Variants in NOD1 observed in about 807,000 individuals in gnomAD.
The protein encoded by NOD1 is nucleotide binding oligomerization domain containing 1.
In NOD1, 70 loss-of-function variants were observed where a neutral mutation model predicts 81.2. The ratio of observed to expected loss-of-function variants is 0.86; its 90% confidence interval spans 0.71 to 1.05. The LOEUF (loss-of-function observed/expected upper bound fraction) is 1.05. NOD1 is among the 50% of genes least tolerant of loss of function. The pLI is 0.00. For synonymous variants in NOD1, 508 were observed against 526.9 expected (o/e 0.96, Z 0.49); for missense variants, 1,233 against 1,228.0 (o/e 1.00, Z -0.06).
intron 1 of NOD1, chr7:30,469,268 T>C (rs1339907853): frequency 1.0e-5 from 10 of 981,768 alleles, no homozygotes; most frequent in East Asian, 1.1e-4. Context: ...ACAATTATTA[T>C]TGGAAGCTTT....
intron 10 of NOD1, 58 bp downstream of exon 10, chr7:30,437,515 A>G: frequency 1.7e-6 from 2 of 1,150,980 alleles, no homozygotes; most frequent in Non-Finnish European, 2.4e-6. Context: ...TCCCCAGCAA[A>G]CCTAGAGCAG....
At chr7:30,457,599 C>T (rs1321853947) in intron 3 of NOD1, among the ~76,000 whole-genome samples, 1 of 152,068 alleles carries the variant, frequency 6.6e-6, no homozygotes, top group Non-Finnish European at 1.5e-5. Context: ...TACTATAAAG[C>T]AAAAGTGTGC....
chr7:30,456,678 C>A (rs770896145), intron 4 of NOD1, 43 bp downstream of exon 4: 13 of 1,558,106 alleles, frequency 8.3e-6, no homozygotes, highest in South Asian at 1.1e-5. Flanking sequence ...TTCTAGCTCC[C>A]GGGGTCCACA....
chr7:30,433,027 G>A (rs1784075116), intron 12 of NOD1, 69 bp downstream of exon 12: 4 of 1,201,124 alleles, frequency 3.3e-6, no homozygotes, highest in African/African-American at 1.5e-5. Context: ...TTTACAGTAT[G>A]TAAATTTTAT....
rs5743366 is a variant in NOD1 at position 30,429,130 on chromosome 7, G to A, written c.2789+244C>T. ...AGATGAGGGCGGGGGCCCAGGGCAG[G>A]AGAGCACAGAATATGGAATCAGGCA... On this transcript the variant is annotated intron_variant, in intron 13 of 13. Transcript: ENST00000222823. Among the ~76,000 whole-genome samples the A allele has an allele frequency of 2.5e-3, 385 of 152,340 alleles. 1 individual carries two copies. The highest frequency in any genetic ancestry group is 8.9e-3 in the African/African-American group (372 of 41,578).
intron 1 of NOD1, among the ~76,000 whole-genome samples, chr7:30,466,532 C>T (rs1194996532): frequency 3.3e-5 from 5 of 152,086 alleles, no homozygotes; most frequent in African/African-American, 9.7e-5. Flanking sequence ...TGGTGGTGCA[C>T]GCCTACTGTC....
intron 5 of NOD1, among the ~76,000 whole-genome samples, chr7:30,453,282 G>A (rs1291478109): frequency 1.3e-5 from 2 of 152,094 alleles, no homozygotes; most frequent in African/African-American, 4.8e-5. Context: ...CCAGAAAGAA[G>A]GTGACAAACT....
rs1255443129 is a variant in NOD1, at chr7:30,425,574, GC to G, written c.*63del. On this transcript the variant is annotated 3_prime_UTR_variant, in exon 14 of 14. Coordinates refer to ENST00000222823, the MANE Select transcript of NOD1 (RefSeq NM_006092.4). ...CTTTAAGACACTGACACAAAAGACTGCCCAGAGTGGCATTTGCTGCTGAGGC... is the reference window on the plus strand; with the variant it reads ...CTTTAAGACACTGACACAAAAGACTGCCAGAGTGGCATTTGCTGCTGAGGC... The G allele has an allele frequency of 8.4e-7, 1 of 1,192,972 alleles. No homozygotes were observed. The highest frequency in any genetic ancestry group is 1.3e-6 in the Non-Finnish European group (1 of 795,646). 73.9% of individuals were successfully genotyped at this position (1,192,972 alleles called of 1,614,324 possible). A position where few individuals can be genotyped will look rare whatever the true frequency, so the allele number is the denominator to read the frequency against.
chr7:30,456,726 C>T lies in NOD1; in HGVS notation c.196G>A (p.Asp66Asn), dbSNP rs1786414423. 1.2e-6 allele frequency: 2 copies of T among 1,613,764 alleles called. No individual in the cohort carries two copies. The highest frequency in any genetic ancestry group is 2.7e-5 in the African/African-American group (2 of 74,932). Residue 66 changes from aspartate (D) to asparagine (N), a missense_variant, in exon 4 of 14, where the codon GAC (aspartate) becomes AAC (asparagine). Transcript: ENST00000222823. The stretch of plus-strand genomic sequence containing the variant: ...CGTCCCTGTCCCCGGGGCACCTTGT[C>T]AGGCTGGGTGGGGCAGGCACACACA... ...EIVCACPTQP[D>N]KVRKILDLVQ...
rs968330505 is a variant in NOD1 at position 30,460,465 on chromosome 7, G to C, written c.-351-424C>G. On this transcript the variant is annotated intron_variant, in intron 1 of 13. Transcript: ENST00000222823. ...CTGGGAGCTGGGTCTGCTCTCCTGG[G>C]TGGAGCTTTCCCAGGCCAGTGGTGC... The C allele has an allele frequency of 3.6e-5, 35 of 985,300 alleles. No homozygotes were observed. In the South Asian group the frequency reaches 8.0e-4, roughly 22 times the overall value. The allele number at this position is 985,300 out of a possible 1,614,324, so 61.0% of individuals were successfully genotyped here.
At chr7:30,449,336 C>G (rs1360431355) in intron 6 of NOD1, among the ~76,000 whole-genome samples, 1 of 152,240 alleles carries the variant, frequency 6.6e-6, no homozygotes, top group African/African-American at 2.4e-5. Flanking sequence ...TTCCCAATAT[C>G]TATACTTTCT....
rs183351780 is a variant in NOD1, at chr7:30,472,268, G to A, written c.-352+6338C>T. Among the ~76,000 whole-genome samples, 41 of 152,248 alleles carry A rather than the reference G, an allele frequency of 2.7e-4. 1 individual carries two copies. The highest frequency in any genetic ancestry group is 8.2e-4 in the African/African-American group (34 of 41,550). ...TTTAGCTCTGTACCCTCCTGGGCTT[G>A]GGCCTTACCACACCAGCCACTCAAC... On this transcript the variant is annotated intron_variant, in intron 1 of 13. Coordinates refer to ENST00000222823, the MANE Select transcript of NOD1 (RefSeq NM_006092.4).
chr7:30,425,645 CAG>C lies in NOD1; in HGVS notation c.2853_2854del (p.Ile951MetfsTer87). On this transcript the variant is annotated frameshift_variant, in exon 14 of 14. Coordinates refer to ENST00000222823, the MANE Select transcript of NOD1 (RefSeq NM_006092.4). LOFTEE classifies it high-confidence loss of function. ...GAACAGGAAAGCATCCTCTCAGAAA[CAG>C]ATAATCCGCTTCTCATCTTCATAGA... 1 of 1,613,012 alleles carries C rather than the reference CAG, an allele frequency of 6.2e-7. No individual in the cohort carries two copies. The highest frequency in any genetic ancestry group is 8.5e-7 in the Non-Finnish European group (1 of 1,178,950).
Position 30,452,324 on chromosome 7 carries a change from A to G in NOD1, c.1093T>C (p.Phe365Leu), listed in dbSNP as rs1370930256. ...CGGTCCTGCAGGGCCCGCTCGGGGA[A>G]CATCCTCCTGGCATAGGCGCGCAGG... ...SHLRAYARRM[F>L]PERALQDRLL... The change falls in exon 6 of 14, where the codon TTC becomes CTC. Residue 365 changes from phenylalanine (F) to leucine (L), a missense_variant. Transcript: ENST00000222823. The G allele has an allele frequency of 3.7e-6, 6 of 1,613,296 alleles. No homozygotes were observed. The highest frequency in any genetic ancestry group is 4.2e-6 in the Non-Finnish European group (5 of 1,179,976).
At position 30,446,197 on chromosome 7, in the gene NOD1, T is replaced by G. The variant is rs1767276201; in HGVS notation, c.2397A>C (p.Glu799Asp). Residue 799 changes from glutamate (E) to aspartate (D), a missense_variant, in exon 9 of 14, where the codon GAA becomes GAC. By Grantham distance (45) the Glu-to-Asp change is conservative. Transcript: ENST00000222823. ...CAGCCAGGGCGAGATACTTCCCTCC[T>G]TCACTTGTTATTTTGTTTTTTCCCA... is the stretch of plus-strand genomic sequence containing the variant. ...LKLGKNKITS[E>D]GGKYLALAVK... 4 of 1,614,004 alleles carry G rather than the reference T, an allele frequency of 2.5e-6. No homozygotes were observed. Among genetic ancestry groups the G allele is most frequent in the Non-Finnish European group, 3.4e-6 (4 of 1,179,966 alleles).
chr7:30,468,360 T>C (rs577257847), intron 1 of NOD1, among the ~76,000 whole-genome samples: 3 of 152,340 alleles, frequency 2.0e-5, no homozygotes, highest in Non-Finnish European at 2.9e-5. Flanking sequence ...AAATGGATGA[T>C]GTCAAAGGGG....
chr7:30,432,947 A>C (rs1784069547), intron 12 of NOD1, 149 bp downstream of exon 12: 1 of 639,034 alleles, frequency 1.6e-6, no homozygotes, highest in African/African-American at 1.8e-5. Flanking sequence ...GGAGGAGTGA[A>C]AATGTTCTAG....
Position 30,425,531 on chromosome 7 carries a change from T to A in NOD1, c.*107A>T. 1.2e-6 allele frequency: 1 copy of A among 815,018 alleles called. No homozygotes were observed. The allele number at this position is 815,018 out of a possible 1,614,324, so 50.5% of individuals were successfully genotyped here. A position where few individuals can be genotyped will look rare whatever the true frequency, so the allele number is the denominator to read the frequency against. ...CATGGAGGCAGTGGACTCCTGATAG[T>A]CCCGCCTGCGCAGGCCCCTTTAAGA... On this transcript the variant is annotated 3_prime_UTR_variant, in exon 14 of 14. Transcript: ENST00000222823.
chr7:30,433,243 C>CCCGCTCCTGTGAACTCT, intron 11 of NOD1, 64 bp from the exon 12 acceptor site: 1 of 1,337,136 alleles, frequency 7.5e-7, no homozygotes, highest in Non-Finnish European at 1.1e-6. Context: ...TTTTAGAGTT[C>CCCGCTCCTGTGAACTCT]ACAGGAGCGG....
Sources: allele counts gnomAD v4.1 joint callset (sites outside exome capture counted in the v4.1 genomes callset), GRCh38; gene constraint gnomAD v4.1.1; transcripts MANE v1.5; gene names NCBI Gene and HGNC (gene_info 2026-07-23, HGNC 2026-07-21).